TRAPPC9: variants seen among roughly 807,000 people sequenced by gnomAD.
The protein encoded by TRAPPC9 is trafficking protein particle complex subunit 9, also known as IKK2 binding protein.
A neutral mutation model predicts 124.0 loss-of-function variants in TRAPPC9; 83 were observed. The ratio of observed to expected loss-of-function variants is 0.67; its 90% CI spans 0.56 to 0.80. TRAPPC9 has a LOEUF of 0.80. TRAPPC9 is among the 30% of genes least tolerant of loss of function. The pLI is 0.00. For synonymous variants in TRAPPC9, 638 were observed against 617.5 expected (o/e 1.03, Z -0.49); for missense variants, 1,302 against 1,508.3 (o/e 0.86, Z 2.27).
chr8:140,354,867 G>A (rs1298945066), intron 9 of TRAPPC9, among the ~76,000 whole-genome samples: 1 of 152,200 alleles, frequency 6.6e-6, no homozygotes, highest in Admixed American at 6.5e-5. Context: ...TTATTGATCG[G>A]AGGTTACAGT....
At position 140,397,667 on chromosome 8, in the gene TRAPPC9, C is replaced by T; in HGVS notation, c.1087G>A (p.Glu363Lys). 1 of 1,614,202 alleles carries T rather than the reference C, an allele frequency of 6.2e-7. No individual in the cohort carries two copies. Among genetic ancestry groups the T allele is most frequent in the Non-Finnish European group, 8.5e-7 (1 of 1,180,036 alleles). Residue 363 changes from glutamate (E) to lysine (K), a missense_variant, in exon 7 of 23, where the codon GAA becomes AAA. This residue lies in a region of TRAPPC9 where 657 missense variants were observed against 811.2 expected (regional missense o/e 0.81). Coordinates refer to ENST00000438773, the MANE Select transcript of TRAPPC9 (RefSeq NM_001160372.4). ...GCATTCTGAAGAAATTCTGATGCTTCCATGCTCCGTTTCTGAATTGCAAGG... is the reference window on the plus strand; with the variant it reads ...GCATTCTGAAGAAATTCTGATGCTTTCATGCTCCGTTTCTGAATTGCAAGG... ...RVLAIQKRSM[E>K]ASEFLQNAVY...
At chr8:140,020,707 A>T (rs1839787276) in intron 18 of TRAPPC9, among the ~76,000 whole-genome samples, 1 of 152,108 alleles carries the variant, frequency 6.6e-6, no homozygotes, top group African/African-American at 2.4e-5. Context: ...ATTGTTACTA[A>T]TTTTTTTGTC....
At chr8:140,455,571 C>G (rs1275550406) in intron 1 of TRAPPC9, among the ~76,000 whole-genome samples, 2 of 152,118 alleles carry the variant, frequency 1.3e-5, no homozygotes, top group Non-Finnish European at 2.9e-5. Context: ...GCTGGGACTA[C>G]AGGCGCCCAC....
chr8:139,946,152 A>AC (rs1467915092), intron 19 of TRAPPC9, among the ~76,000 whole-genome samples: 1 of 152,166 alleles, frequency 6.6e-6, no homozygotes. Context: ...ACCAACCCCC[A>AC]CCCCTTTTAA....
At chr8:140,276,495 C>A (rs2065126604) in intron 14 of TRAPPC9, among the ~76,000 whole-genome samples, 1 of 152,162 alleles carries the variant, frequency 6.6e-6, no homozygotes, top group Admixed American at 6.5e-5. Context: ...ACGTGCAACA[C>A]AGAAGCCAGG....
chr8:140,030,414 C>A (rs1840431330), intron 17 of TRAPPC9, among the ~76,000 whole-genome samples: 1 of 152,128 alleles, frequency 6.6e-6, no homozygotes, highest in Non-Finnish European at 1.5e-5. Context: ...TTGCTGGTGG[C>A]ACTATAAAAT....
At chr8:140,190,616 G>A (rs2062469430) in intron 17 of TRAPPC9, among the ~76,000 whole-genome samples, 1 of 152,236 alleles carries the variant, frequency 6.6e-6, no homozygotes, top group East Asian at 1.9e-4. Context: ...TCTTACTTGA[G>A]AAAAGGTGGT....
chr8:139,993,569 G>A (rs2614746), intron 18 of TRAPPC9, among the ~76,000 whole-genome samples: 105,859 of 152,138 alleles, frequency 0.7, 39,770 homozygotes, highest in East Asian at 0.89. Context: ...GTTTGGTAAA[G>A]GGGCACATTC....
chr8:139,927,769 A>T (rs58417943), intron 19 of TRAPPC9, among the ~76,000 whole-genome samples: 2 of 152,172 alleles, frequency 1.3e-5, no homozygotes, highest in African/African-American at 4.8e-5. Flanking sequence ...GAAATACTCA[A>T]CTACAAAAAG....
chr8:139,819,555 T>C (rs1343027842), intron 21 of TRAPPC9, among the ~76,000 whole-genome samples: 1 of 152,156 alleles, frequency 6.6e-6, no homozygotes, highest in East Asian at 1.9e-4. Context: ...AGAGGCGGCA[T>C]ATGGAAGACA....
At chr8:139,940,515 T>C (rs1431925179) in intron 19 of TRAPPC9, among the ~76,000 whole-genome samples, 5 of 152,166 alleles carry the variant, frequency 3.3e-5, no homozygotes, top group African/African-American at 1.2e-4. Context: ...ATAGCTAGAG[T>C]ATATCTGCTC....
chr8:139,925,262 C>T (rs1034355081), intron 19 of TRAPPC9, among the ~76,000 whole-genome samples: 1 of 152,108 alleles, frequency 6.6e-6, no homozygotes, highest in East Asian at 1.9e-4. Flanking sequence ...CACTGGAGGC[C>T]GAAACTCTAA....
intron 17 of TRAPPC9, among the ~76,000 whole-genome samples, chr8:140,135,500 T>C (rs1050293587): frequency 1.4e-4 from 21 of 152,220 alleles, no homozygotes; most frequent in Admixed American, 1.3e-4. Context: ...GAATGAACTT[T>C]AACAACATTA....
chr8:140,108,618 G>C (rs1383927246), intron 17 of TRAPPC9, among the ~76,000 whole-genome samples: 1 of 152,226 alleles, frequency 6.6e-6, no homozygotes, highest in East Asian at 1.9e-4. Context: ...GATGAAGCCT[G>C]TTTGAAGGGT....
At chr8:140,020,821 T>G (rs1839793030) in intron 18 of TRAPPC9, among the ~76,000 whole-genome samples, 1 of 152,240 alleles carries the variant, frequency 6.6e-6, no homozygotes, top group South Asian at 2.1e-4. Context: ...TATGAAGTTA[T>G]ATTTGTAAAC....
intron 17 of TRAPPC9, among the ~76,000 whole-genome samples, chr8:140,174,743 T>C (rs1055617614): frequency 6.6e-6 from 1 of 152,246 alleles, no homozygotes; most frequent in African/African-American, 2.4e-5. Context: ...CATGGATCAG[T>C]ACGTCACTCC....
intron 2 of TRAPPC9, among the ~76,000 whole-genome samples, chr8:140,448,917 GC>G (rs2071360466): frequency 6.7e-6 from 1 of 148,174 alleles, no homozygotes; most frequent in Non-Finnish European, 1.5e-5. Context: ...CCCCACATCA[GC>G]CAGCACAGCA....
chr8:139,800,839 G>A (rs571386292), intron 21 of TRAPPC9, among the ~76,000 whole-genome samples: 111 of 144,420 alleles, frequency 7.7e-4, no homozygotes, highest in East Asian at 2.3e-3. Context: ...CCCTCCGTCC[G>A]GTACCTGTAC....
intron 16 of TRAPPC9, among the ~76,000 whole-genome samples, chr8:140,229,438 G>A (rs995141026): frequency 4.6e-5 from 7 of 150,706 alleles, no homozygotes; most frequent in Admixed American, 6.6e-5. Flanking sequence ...ATTTTTTTTC[G>A]TATTTTTAGT....
Sources: gnomAD v4.1 joint callset for allele counts (sites outside exome capture counted in the v4.1 genomes callset) on GRCh38, gnomAD v4.1.1 for gene constraint, gnomAD v4.1.1 regional missense constraint, MANE v1.5 for transcripts, NCBI Gene and HGNC (gene_info 2026-07-23, HGNC 2026-07-21) for gene names.